Variants in ZNF546 observed in about 807,000 individuals in gnomAD.
ZNF546 encodes zinc finger protein 546.
Under a neutral mutation model 76.2 loss-of-function variants are expected in ZNF546, and 60 were observed. That is an observed-to-expected ratio of 0.79 (90% CI 0.64 to 0.98). The LOEUF is 0.98. Ranked by LOEUF, ZNF546 falls within the 50% of genes least tolerant of loss-of-function variation. The pLI is 0.00. For synonymous variants in ZNF546, 277 were observed against 328.1 expected (o/e 0.84, Z 1.68); for missense variants, 936 against 1,035.6 (o/e 0.90, Z 1.32).
chr19:39,999,850 T>C (rs1408358369), intron 3 of ZNF546: 2 of 152,380 alleles, frequency 1.3e-5, no homozygotes, highest in African/African-American at 4.8e-5. Flanking sequence ...GTGCTGGGAT[T>C]ACAGGTGTGA....
Position 40,014,142 on chromosome 19 carries a change from A to G in ZNF546, c.872A>G (p.His291Arg). Residue 291 changes from histidine (H) to arginine (R), a missense_variant, in exon 7 of 7, where the codon CAT (histidine) becomes CGT (arginine). Coordinates refer to ENST00000347077, the MANE Select transcript of ZNF546 (RefSeq NM_178544.5). Reference protein sequence around the residue: ...AFRLHYHLTEHQRIHSGVKPY... With the variant: ...AFRLHYHLTERQRIHSGVKPY... ...AGACTTCATTATCACCTTACTGAAC[A>G]TCAGAGAATACATTCTGGTGTGAAA... 1 of 1,614,138 alleles carries G rather than the reference A, an allele frequency of 6.2e-7. No individual in the cohort carries two copies. The highest frequency in any genetic ancestry group is 8.5e-7 in the Non-Finnish European group (1 of 1,179,994).
At chr19:39,998,587 G>T in intron 3 of ZNF546, 177 bp downstream of exon 3, 1 of 558,824 alleles carries the variant, frequency 1.8e-6, no homozygotes, top group Non-Finnish European at 3.2e-6. Context: ...ATGGTCGCCT[G>T]CTTTTAAGGC....
At chr19:40,012,170 T>A (rs1427145700) in intron 6 of ZNF546, among the ~76,000 whole-genome samples, 6 of 152,032 alleles carry the variant, frequency 3.9e-5, no homozygotes, top group African/African-American at 1.2e-4. Context: ...AGTACTTGAG[T>A]TGGGACAGAG....
In ZNF546 at chr19:40,015,616, T is replaced by C; in HGVS notation, c.2346T>C (p.Cys782=). ...AGAAACCCTATAAATGTAAAGAATG[T>C]GGGAAAGCCTTCAGTGTTAATTCAG... ...TGEKPYKCKE[C]GKAFSVNSEL... Residue 782 remains cysteine (C), a synonymous_variant, in exon 7 of 7, where the codon TGT becomes TGC. Coordinates refer to ENST00000347077, the MANE Select transcript of ZNF546 (RefSeq NM_178544.5). 1 of 1,614,138 alleles carries C rather than the reference T, an allele frequency of 6.2e-7. No individual in the cohort carries two copies. The highest frequency in any genetic ancestry group is 8.5e-7 in the Non-Finnish European group (1 of 1,180,014).
intron 4 of ZNF546, 33 bp from the exon 5 acceptor site, chr19:40,007,241 A>ATT: frequency 2.1e-6 from 3 of 1,447,652 alleles, no homozygotes; most frequent in African/African-American, 1.4e-5. Context: ...AATACATTTA[A>ATT]TTTTTTTTTA....
chr19:40,018,428 C>A lies in ZNF546; in HGVS notation c.*2647C>A, dbSNP rs1971809117. ...AATTTGTAACCCATTAGGTGGCATA[C>A]AATGTCATTATACCACTATGGTATC... On this transcript the variant is annotated 3_prime_UTR_variant, in exon 7 of 7. Transcript: ENST00000347077. The A allele has an allele frequency of 6.6e-6, 1 of 152,186 alleles. No individual in the cohort carries two copies. Among genetic ancestry groups the A allele is most frequent in the Non-Finnish European group, 1.5e-5 (1 of 68,042 alleles). 9.4% of individuals were successfully genotyped at this position (152,186 alleles called of 1,614,324 possible).
Position 40,006,237 on chromosome 19 carries a change from T to A in ZNF546, c.171+55T>A, listed in dbSNP as rs1057507918. ...CTGTGTTTTTAAATTCATGTGATCA[T>A]TGAAGTCTCGTTATCTTGAGACTTC... On this transcript the variant is annotated intron_variant, in intron 4 of 6. Coordinates refer to ENST00000347077, the MANE Select transcript of ZNF546 (RefSeq NM_178544.5). The A allele has an allele frequency of 4.0e-6, 6 of 1,506,866 alleles. No homozygotes were observed. The Admixed American group carries it at 1.0e-4, about 26-fold the overall frequency. 93.3% of individuals were successfully genotyped at this position (1,506,866 alleles called of 1,614,324 possible). A position where few individuals can be genotyped will look rare whatever the true frequency, so the allele number is the denominator to read the frequency against.
chr19:40,014,709 G>C lies in ZNF546; in HGVS notation c.1439G>C (p.Cys480Ser). The C allele has an allele frequency of 6.2e-7, 1 of 1,608,022 alleles. No individual in the cohort carries two copies. The highest frequency in any genetic ancestry group is 8.5e-7 in the Non-Finnish European group (1 of 1,178,326). Residue 480 changes from cysteine (C) to serine (S), a missense_variant, in exon 7 of 7, where the codon TGT becomes TCT. Cys to Ser is a moderately radical substitution (Grantham distance 112). Transcript: ENST00000347077. ...AAGGAATGTGGGAAGGCCTTTATTTGTGGTTATCAACTTACTTTACATCTG... is the reference window on the plus strand; with the variant it reads ...AAGGAATGTGGGAAGGCCTTTATTTCTGGTTATCAACTTACTTTACATCTG... The part of the protein sequence containing the change: ...ECKECGKAFI[C>S]GYQLTLHLRT...
In ZNF546 at chr19:40,020,213, T is replaced by G. The variant is rs761388486; in HGVS notation, c.*4432T>G. On this transcript the variant is annotated 3_prime_UTR_variant, in exon 7 of 7. Transcript: ENST00000347077. Reference sequence around the variant, plus strand: ...CTACCATACTACCACTTTCCTCAACTTGGACTAATGTCCATTGTCAACCAA... The same window carrying G: ...CTACCATACTACCACTTTCCTCAACGTGGACTAATGTCCATTGTCAACCAA... 1.3e-5 allele frequency: 2 copies of G among 152,186 alleles called. No homozygotes were observed. Among genetic ancestry groups the G allele is most frequent in the African/African-American group, 4.8e-5 (2 of 41,458 alleles). The allele number at this position is 152,186 out of a possible 1,614,324, so 9.4% of individuals were successfully genotyped here.
Position 40,014,684 on chromosome 19 carries a change from A to G in ZNF546, c.1414A>G (p.Lys472Glu), listed in dbSNP as rs1245703450. 1 of 1,613,922 alleles carries G rather than the reference A, an allele frequency of 6.2e-7. No homozygotes were observed. Among genetic ancestry groups the G allele is most frequent in the African/African-American group, 1.3e-5 (1 of 74,894 alleles). Reference sequence around the variant, plus strand: ...TACTGGTGAGAAACCCTATGAATGTAAGGAATGTGGGAAGGCCTTTATTTG... The same window carrying G: ...TACTGGTGAGAAACCCTATGAATGTGAGGAATGTGGGAAGGCCTTTATTTG... ...THTGEKPYEC[K>E]ECGKAFICGY... The change falls in exon 7 of 7, where the codon AAG becomes GAG. Residue 472 changes from lysine to glutamate, a missense_variant. Transcript: ENST00000347077.
At chr19:40,000,615 CAA>C (rs550470156) in intron 3 of ZNF546, among the ~76,000 whole-genome samples, 2,436 of 56,630 alleles carry the variant, frequency 0.043, 35 homozygotes, top group African/African-American at 0.1. Context: ...GACTCTGTCT[CAA>C]AAAAAAAAAA....
intron 5 of ZNF546, 57 bp from the exon 6 acceptor site, chr19:40,008,413 G>A (rs973876139): frequency 3.7e-6 from 5 of 1,349,760 alleles, no homozygotes; most frequent in Admixed American, 3.8e-5. Context: ...TCATTTCAAG[G>A]TTATGGTTGT....
intron 3 of ZNF546, among the ~76,000 whole-genome samples, chr19:40,002,673 A>G (rs566941719): frequency 3.3e-5 from 5 of 151,078 alleles, no homozygotes; most frequent in African/African-American, 1.2e-4. Context: ...CACCTGAAAT[A>G]TGGCTAGTGT....
At chr19:40,009,235 G>A (rs1406353888) in intron 6 of ZNF546, among the ~76,000 whole-genome samples, 1 of 152,198 alleles carries the variant, frequency 6.6e-6, no homozygotes, top group Non-Finnish European at 1.5e-5. Context: ...AGAAAAAGCT[G>A]CAAGTGCAAA....
At chr19:40,006,897 C>T (rs1035536427) in intron 4 of ZNF546, among the ~76,000 whole-genome samples, 8 of 152,082 alleles carry the variant, frequency 5.3e-5, no homozygotes, top group South Asian at 2.1e-4. Context: ...AGAGTTTTAA[C>T]GAAATCACGT....
chr19:40,000,200 C>T (rs1051121831), intron 3 of ZNF546, among the ~76,000 whole-genome samples: 1 of 152,076 alleles, frequency 6.6e-6, no homozygotes, highest in Admixed American at 6.6e-5. Flanking sequence ...GATAGTTCTT[C>T]AGGATTATAC....
chr19:40,013,593 C>G, intron 6 of ZNF546, 72 bp from the exon 7 acceptor site: 1 of 1,284,580 alleles, frequency 7.8e-7, no homozygotes, highest in Non-Finnish European at 1.0e-6. Flanking sequence ...ACCCCCATCC[C>G]TGCCCCAACA....
At position 40,018,484 on chromosome 19, in the gene ZNF546, T is replaced by C. The variant is rs1397959841; in HGVS notation, c.*2703T>C. 6.6e-6 allele frequency: 1 copy of C among 152,220 alleles called. No individual in the cohort carries two copies. The highest frequency in any genetic ancestry group is 1.5e-5 in the Non-Finnish European group (1 of 68,048). The allele number at this position is 152,220 out of a possible 1,614,324, so 9.4% of individuals were successfully genotyped here. On this transcript the variant is annotated 3_prime_UTR_variant, in exon 7 of 7. Coordinates refer to ENST00000347077, the MANE Select transcript of ZNF546 (RefSeq NM_178544.5). ...TTCATTCACTTGGTGTAGCAGAACA[T>C]ACATTCCAAAGATGGCCACACCAAT... is the stretch of plus-strand genomic sequence containing the variant.
At chr19:40,003,586 C>T (rs982640850) in intron 3 of ZNF546, among the ~76,000 whole-genome samples, 1 of 152,082 alleles carries the variant, frequency 6.6e-6, no homozygotes, top group African/African-American at 2.4e-5. Context: ...ACATGAAAAG[C>T]CACTTCACTG....
Sources: gnomAD v4.1 joint callset for allele counts (sites outside exome capture counted in the v4.1 genomes callset) on GRCh38, gnomAD v4.1.1 for gene constraint, MANE v1.5 for transcripts, NCBI Gene and HGNC (gene_info 2026-07-23, HGNC 2026-07-21) for gene names.